Variants in LHFPL3 observed in about 807,000 individuals in gnomAD.
LHFPL3 encodes LHFPL tetraspan subfamily member 3.
LHFPL3 carries 5 observed loss-of-function variants against 19.3 expected under a neutral mutation model. That is an observed-to-expected ratio of 0.26 (90% confidence interval 0.14 to 0.54). The LOEUF (loss-of-function observed/expected upper bound fraction) is 0.54, where lower values mean the gene tolerates loss of function less well. Ranked by LOEUF, LHFPL3 falls within the 20% of genes least tolerant of loss-of-function variation. The pLI, the probability that LHFPL3 is intolerant of heterozygous loss-of-function variation, is 0.94. For missense variants in LHFPL3, 249 were observed against 307.4 expected, an observed-to-expected ratio of 0.81 and a Z score of 1.42; for synonymous variants, 133 against 126.2, an observed-to-expected ratio of 1.05 and a Z score of -0.36.
intron 2 of LHFPL3, among the ~76,000 whole-genome samples, chr7:104,863,737 G>A (rs959600238): frequency 2.0e-5 from 3 of 152,192 alleles, no homozygotes; most frequent in Non-Finnish European, 4.4e-5. Flanking sequence ...CTTGCACAGT[G>A]AGTCACTGGC....
chr7:104,401,645 A>T (rs1278410327), intron 1 of LHFPL3, among the ~76,000 whole-genome samples: 1 of 152,248 alleles, frequency 6.6e-6, no homozygotes, highest in Non-Finnish European at 1.5e-5. Flanking sequence ...ATTCAATTTG[A>T]GAAAAAGAAT....
intron 2 of LHFPL3, among the ~76,000 whole-genome samples, chr7:104,857,260 T>C (rs1271826676): frequency 8.5e-3 from 2 of 234 alleles, no homozygotes; most frequent in Admixed American, 0.2. Context: ...CTTTCCATAA[T>C]AAGGCGGGGC....
chr7:104,568,819 A>G (rs1445619485), intron 1 of LHFPL3, among the ~76,000 whole-genome samples: 1 of 152,192 alleles, frequency 6.6e-6, no homozygotes, highest in Non-Finnish European at 1.5e-5. Context: ...CATCTCCTAA[A>G]GCATTGTAAA....
chr7:104,331,722 G>A (rs1294722296), intron 1 of LHFPL3, among the ~76,000 whole-genome samples: 1 of 152,130 alleles, frequency 6.6e-6, no homozygotes, highest in East Asian at 1.9e-4. Context: ...GGCTGAGGTA[G>A]GTGGATCATT....
At chr7:104,523,544 C>A (rs1391349499) in intron 1 of LHFPL3, among the ~76,000 whole-genome samples, 1 of 152,158 alleles carries the variant, frequency 6.6e-6, no homozygotes, top group Non-Finnish European at 1.5e-5. Context: ...TCTGTCATTC[C>A]TTCACCTTTC....
chr7:104,548,134 A>T (rs1014802806), intron 1 of LHFPL3, among the ~76,000 whole-genome samples: 1 of 152,180 alleles, frequency 6.6e-6, no homozygotes, highest in African/African-American at 2.4e-5. Flanking sequence ...TGTTTAAACA[A>T]AATATGAAGC....
chr7:104,845,001 A>C (rs971107701), intron 2 of LHFPL3, among the ~76,000 whole-genome samples: 1 of 152,186 alleles, frequency 6.6e-6, no homozygotes, highest in African/African-American at 2.4e-5. Flanking sequence ...TAGCCTCCCA[A>C]AGTGTTGGGA....
intron 1 of LHFPL3, among the ~76,000 whole-genome samples, chr7:104,658,096 G>T (rs1446037815): frequency 2.0e-5 from 3 of 152,194 alleles, no homozygotes; most frequent in Admixed American, 2.0e-4. Flanking sequence ...ATTATGGAGA[G>T]CTTTCAAATT....
chr7:104,369,881 A>G (rs192527801), intron 1 of LHFPL3, among the ~76,000 whole-genome samples: 9 of 152,338 alleles, frequency 5.9e-5, no homozygotes, highest in African/African-American at 2.2e-4. Flanking sequence ...GAGTTATAAG[A>G]GTTTTTAAAA....
intron 1 of LHFPL3, among the ~76,000 whole-genome samples, chr7:104,721,882 T>G (rs1350270349): frequency 1.3e-5 from 2 of 152,216 alleles, no homozygotes; most frequent in African/African-American, 4.8e-5. Flanking sequence ...CAATAAATAT[T>G]AGCTATTATT....
intron 1 of LHFPL3, among the ~76,000 whole-genome samples, chr7:104,416,465 G>T (rs771431251): frequency 1.3e-4 from 20 of 152,178 alleles, no homozygotes; most frequent in Middle Eastern, 3.2e-3. Flanking sequence ...CTCCCATGGA[G>T]ACAAACCTTC....
At chr7:104,408,671 G>T (rs908886024) in intron 1 of LHFPL3, among the ~76,000 whole-genome samples, 4 of 152,070 alleles carry the variant, frequency 2.6e-5, no homozygotes, top group African/African-American at 9.7e-5. Context: ...GTCTATGTCA[G>T]AAACAGTAAA....
At chr7:104,355,344 C>T (rs1364369635) in intron 1 of LHFPL3, among the ~76,000 whole-genome samples, 2 of 152,098 alleles carry the variant, frequency 1.3e-5, no homozygotes, top group African/African-American at 2.4e-5. Flanking sequence ...CATTTCAGAT[C>T]GTCTGTACCT....
At chr7:104,539,473 C>A (rs1456584974) in intron 1 of LHFPL3, among the ~76,000 whole-genome samples, 1 of 152,106 alleles carries the variant, frequency 6.6e-6, no homozygotes, top group East Asian at 1.9e-4. Flanking sequence ...TACTTAATGG[C>A]TTTTTTCTAC....
At chr7:104,588,939 C>T (rs957807156) in intron 1 of LHFPL3, among the ~76,000 whole-genome samples, 1 of 152,046 alleles carries the variant, frequency 6.6e-6, no homozygotes, top group African/African-American at 2.4e-5. Context: ...TGTAGGAATG[C>T]TGGTGATTTT....
chr7:104,901,910 C>T (rs1188128050), intron 2 of LHFPL3, among the ~76,000 whole-genome samples: 2 of 152,088 alleles, frequency 1.3e-5, no homozygotes, highest in African/African-American at 2.4e-5. Context: ...CTTGCATGAC[C>T]CTGCAAGTGA....
intron 1 of LHFPL3, among the ~76,000 whole-genome samples, chr7:104,531,548 C>T (rs1562927375): frequency 6.6e-6 from 1 of 152,126 alleles, no homozygotes; most frequent in African/African-American, 2.4e-5. Flanking sequence ...GTTCCTGGAA[C>T]CTAAGACCCC....
intron 1 of LHFPL3, among the ~76,000 whole-genome samples, chr7:104,488,355 C>T (rs996070442): frequency 2.0e-5 from 3 of 152,080 alleles, no homozygotes; most frequent in Non-Finnish European, 4.4e-5. Flanking sequence ...TCAAAATTCC[C>T]TGTTGCTCTT....
chr7:104,378,385 C>A (rs938645581), intron 1 of LHFPL3, among the ~76,000 whole-genome samples: 1 of 152,064 alleles, frequency 6.6e-6, no homozygotes, highest in Admixed American at 6.5e-5. Flanking sequence ...TTTATTAGTT[C>A]ATTTCTCTTC....
Sources: allele counts gnomAD v4.1 joint callset (sites outside exome capture counted in the v4.1 genomes callset), GRCh38; gene constraint gnomAD v4.1.1; transcripts MANE v1.5; gene names NCBI Gene and HGNC (gene_info 2026-07-23, HGNC 2026-07-21).